Variants in MICAL2 observed in about 807,000 individuals in gnomAD.
The protein encoded by MICAL2 is microtubule associated monooxygenase, calponin and LIM domain containing 2.
A neutral mutation model predicts 127.3 loss-of-function variants in MICAL2; 77 were observed. That is an observed-to-expected ratio of 0.60 (90% CI 0.50 to 0.73). The LOEUF is 0.73. Among genes scored for constraint, MICAL2 ranks in the 30% least tolerant of loss-of-function variants. The probability of loss-of-function intolerance (pLI) is 0.00; values close to 1 mark genes in which losing one functional copy is unlikely to be tolerated. For synonymous variants in MICAL2, 570 were observed against 551.1 expected (o/e 1.03, Z -0.48); for missense variants, 1,351 against 1,434.4 (o/e 0.94, Z 0.94).
chr11:12,330,678 C>T (rs555788767), intron 32 of MICAL2, among the ~76,000 whole-genome samples: 55 of 152,020 alleles, frequency 3.6e-4, no homozygotes, highest in African/African-American at 1.3e-3. Context: ...TAAGCTCTCC[C>T]GCCCCCGGGA....
intron 15 of MICAL2, among the ~76,000 whole-genome samples, chr11:12,228,360 G>A (rs2134348741): frequency 6.6e-6 from 1 of 151,870 alleles, no homozygotes; most frequent in Non-Finnish European, 1.5e-5. Context: ...GGCCTAGAGA[G>A]GCTAGGTGCC....
intron 3 of MICAL2, among the ~76,000 whole-genome samples, chr11:12,178,375 C>T (rs568634112): frequency 4.9e-4 from 75 of 151,974 alleles, no homozygotes; most frequent in African/African-American, 1.7e-3. Context: ...AGAACATGTG[C>T]CCAAAGTAAT....
intron 29 of MICAL2, among the ~76,000 whole-genome samples, chr11:12,304,475 A>C (rs971576558): frequency 6.6e-6 from 1 of 152,100 alleles, no homozygotes; most frequent in Admixed American, 6.5e-5. Flanking sequence ...TACTAAAAAT[A>C]CAAAAAAAAA....
chr11:12,299,635 T>C (rs969799621), intron 29 of MICAL2, among the ~76,000 whole-genome samples: 5 of 152,214 alleles, frequency 3.3e-5, no homozygotes, highest in Non-Finnish European at 7.3e-5. Flanking sequence ...TTAAAGAACA[T>C]GCCCTGAGAA....
chr11:12,219,528 CAAAAAAAAAAAAAAA>C (rs11316414), intron 8 of MICAL2, among the ~76,000 whole-genome samples: 7 of 48,608 alleles, frequency 1.4e-4, no homozygotes, highest in African/African-American at 2.4e-4. Flanking sequence ...AACTCCATCT[CAAAAAAAAAAAAAAA>C]AAAAAAAAAA....
At chr11:12,257,043 T>A in intron 24 of MICAL2, 72 bp downstream of exon 24, 2 of 1,482,788 alleles carry the variant, frequency 1.3e-6, no homozygotes, top group Non-Finnish European at 1.8e-6. Flanking sequence ...CGGGTTCCTG[T>A]CCCTCTGGTG....
At chr11:12,229,881 C>T (rs905162790) in intron 15 of MICAL2, among the ~76,000 whole-genome samples, 1 of 152,256 alleles carries the variant, frequency 6.6e-6, no homozygotes, top group African/African-American at 2.4e-5. Flanking sequence ...AGTCAAGGCC[C>T]ACAGATCTGT....
At chr11:12,300,694 G>C (rs568033173) in intron 29 of MICAL2, among the ~76,000 whole-genome samples, 3 of 152,290 alleles carry the variant, frequency 2.0e-5, no homozygotes, top group Non-Finnish European at 2.9e-5. Flanking sequence ...GAATGTGCTT[G>C]GAAGAGAACC....
intron 2 of MICAL2, among the ~76,000 whole-genome samples, chr11:12,141,428 G>A (rs971127305): frequency 6.6e-6 from 1 of 152,038 alleles, no homozygotes; most frequent in African/African-American, 2.4e-5. Flanking sequence ...TCTCCTCCAG[G>A]TCACCTCCTC....
chr11:12,303,050 C>T (rs553256257), intron 29 of MICAL2, among the ~76,000 whole-genome samples: 4 of 152,216 alleles, frequency 2.6e-5, no homozygotes, highest in Admixed American at 2.6e-4. Context: ...GGGGAAATGC[C>T]GGACGCTTAT....
chr11:12,233,430 T>C (rs1858581159), intron 15 of MICAL2, among the ~76,000 whole-genome samples: 1 of 152,228 alleles, frequency 6.6e-6, no homozygotes, highest in African/African-American at 2.4e-5. Flanking sequence ...TCAACCTCTC[T>C]TCCTATGACC....
chr11:12,318,836 G>A (rs975790923), intron 29 of MICAL2, among the ~76,000 whole-genome samples: 4 of 152,114 alleles, frequency 2.6e-5, no homozygotes, highest in African/African-American at 7.2e-5. Flanking sequence ...CATGGTCCCC[G>A]GCCAGATCAC....
At chr11:12,232,620 G>A (rs974119530) in intron 15 of MICAL2, among the ~76,000 whole-genome samples, 7 of 152,176 alleles carry the variant, frequency 4.6e-5, no homozygotes, top group African/African-American at 1.7e-4. Context: ...TTCTTGGGAG[G>A]CTGAGGCATG....
chr11:12,258,015 C>G (rs1862559630), intron 24 of MICAL2, among the ~76,000 whole-genome samples: 1 of 152,192 alleles, frequency 6.6e-6, no homozygotes, highest in African/African-American at 2.4e-5. Context: ...AGCTGCCTGG[C>G]AACCGGTCTT....
At chr11:12,213,439 G>A (rs2134198944) in intron 7 of MICAL2, 29 bp downstream of exon 7, 2 of 1,605,838 alleles carry the variant, frequency 1.2e-6, no homozygotes, top group East Asian at 2.2e-5. Flanking sequence ...TCCCAACCAG[G>A]CCAAGGTCTA....
chr11:12,332,321 G>A (rs1462615515), intron 32 of MICAL2, among the ~76,000 whole-genome samples: 1 of 152,218 alleles, frequency 6.6e-6, no homozygotes, highest in African/African-American at 2.4e-5. Context: ...CAGCAGAGCA[G>A]GGGAAGGGTT....
intron 15 of MICAL2, among the ~76,000 whole-genome samples, chr11:12,232,400 A>G (rs1342061342): frequency 1.3e-5 from 2 of 152,200 alleles, no homozygotes; most frequent in Non-Finnish European, 2.9e-5. Context: ...GGTAAATGTC[A>G]AAGCCAGAAG....
intron 3 of MICAL2, among the ~76,000 whole-genome samples, chr11:12,185,706 C>T (rs1298631908): frequency 6.6e-6 from 1 of 152,122 alleles, no homozygotes; most frequent in Admixed American, 6.5e-5. Context: ...TTGTACGGTA[C>T]TCCGCACTGC....
At chr11:12,229,714 G>T (rs146104975) in intron 15 of MICAL2, among the ~76,000 whole-genome samples, 2 of 152,368 alleles carry the variant, frequency 1.3e-5, no homozygotes, top group Admixed American at 6.5e-5. Context: ...AGCAAGGTTA[G>T]CCAGGCCTCC....
Sources: allele counts gnomAD v4.1 joint callset (sites outside exome capture counted in the v4.1 genomes callset), GRCh38; gene constraint gnomAD v4.1.1; transcripts MANE v1.5; gene names NCBI Gene and HGNC (gene_info 2026-07-23, HGNC 2026-07-21).